The following BANK1 variants were observed in gnomAD, a reference collection of about 807,000 sequenced individuals.
The protein encoded by BANK1 is B cell scaffold protein with ankyrin repeats 1.
A neutral mutation model predicts 94.5 loss-of-function variants in BANK1; 95 were observed. The ratio of observed to expected loss-of-function variants is 1.00; its 90% CI spans 0.85 to 1.19. The LOEUF is 1.19. Ranked by LOEUF, BANK1 falls within the 50% of genes most tolerant of loss-of-function variation. The pLI is 0.00. For synonymous variants in BANK1, 334 were observed against 308.4 expected, an observed-to-expected ratio of 1.08 and a Z score of -0.87; for missense variants, 987 against 932.2, an observed-to-expected ratio of 1.06 and a Z score of -0.77.
At chr4:101,852,113 C>A (rs1727496153) in intron 2 of BANK1, among the ~76,000 whole-genome samples, 1 of 151,930 alleles carries the variant, frequency 6.6e-6, no homozygotes, top group African/African-American at 2.4e-5. Context: ...TAACTTTTAT[C>A]TTTGAGAAAC....
At chr4:101,834,833 T>G (rs1010671830) in intron 2 of BANK1, among the ~76,000 whole-genome samples, 1 of 152,100 alleles carries the variant, frequency 6.6e-6, no homozygotes, top group Non-Finnish European at 1.5e-5. Flanking sequence ...TCTAATATAT[T>G]AATATAACAC....
chr4:101,977,075 A>T (rs896017455), intron 7 of BANK1: 1 of 152,118 alleles, frequency 6.6e-6, no homozygotes, highest in African/African-American at 2.4e-5. Context: ...ATTCCAAGAG[A>T]TGCTGTTTCA....
At chr4:101,885,769 C>A (rs1728826985) in intron 5 of BANK1, among the ~76,000 whole-genome samples, 1 of 152,204 alleles carries the variant, frequency 6.6e-6, no homozygotes, top group Non-Finnish European at 1.5e-5. Flanking sequence ...CATTGTTAAG[C>A]AATTTCATCA....
At chr4:102,010,825 A>T (rs1179286672) in intron 7 of BANK1, among the ~76,000 whole-genome samples, 1 of 152,214 alleles carries the variant, frequency 6.6e-6, no homozygotes, top group Admixed American at 6.5e-5. Context: ...AATAAATGCA[A>T]ATTCCAGAAA....
chr4:101,964,251 C>T (rs1254621004), intron 7 of BANK1, among the ~76,000 whole-genome samples: 2 of 151,936 alleles, frequency 1.3e-5, no homozygotes, highest in African/African-American at 2.4e-5. Context: ...GTGGGCCATC[C>T]GTCACTGATG....
intron 5 of BANK1, among the ~76,000 whole-genome samples, chr4:101,874,093 C>A (rs577773044): frequency 1.3e-5 from 2 of 152,048 alleles, no homozygotes; most frequent in Non-Finnish European, 2.9e-5. Context: ...TTGTTTTGCA[C>A]GTATTTATCC....
intron 13 of BANK1, among the ~76,000 whole-genome samples, chr4:102,065,535 A>G (rs1728562098): frequency 6.6e-6 from 1 of 152,164 alleles, no homozygotes; most frequent in African/African-American, 2.4e-5. Flanking sequence ...TAAAAAAAGA[A>G]GACATACAAA....
chr4:101,877,272 G>A (rs1728526016), intron 5 of BANK1, among the ~76,000 whole-genome samples: 1 of 152,058 alleles, frequency 6.6e-6, no homozygotes, highest in African/African-American at 2.4e-5. Flanking sequence ...ACTCCCTAAG[G>A]TTAAAGATGA....
At position 101,799,467 on chromosome 4, in the gene BANK1, A is replaced by T. The variant is rs1441624310; in HGVS notation, c.70+8517A>T. Among the ~76,000 whole-genome samples, 5 of 152,192 alleles carry T rather than the reference A, an allele frequency of 3.3e-5. No homozygotes were observed. The East Asian group carries it at 9.6e-4, about 29-fold the overall frequency. ...CAGGCTCTGGGTATATACCCAAAGG[A>T]TTATAAATCATGCTGCTATAAAGAC... On this transcript the variant is annotated intron_variant, in intron 1 of 16. Transcript: ENST00000322953.
At position 101,991,818 on chromosome 4, in the gene BANK1, C is replaced by T. The variant is rs138302667; in HGVS notation, c.1207-29696C>T. Among the ~76,000 whole-genome samples the T allele has an allele frequency of 3.4e-4, 52 of 152,298 alleles. 1 individual carries two copies. The highest frequency in any genetic ancestry group is 1.0e-3 in the South Asian group (5 of 4,822). On this transcript the variant is annotated intron_variant, in intron 7 of 16. Transcript: ENST00000322953. ...GTGTATGTTTGTGTTTGTACACATACGTGTGTATTTGCACATACATGTACA... is the reference window on the plus strand; with the variant it reads ...GTGTATGTTTGTGTTTGTACACATATGTGTGTATTTGCACATACATGTACA...
rs1428402758 is a variant in BANK1, at chr4:101,855,317, G to C, written c.624+128G>C. The C allele has an allele frequency of 1.1e-5, 9 of 812,580 alleles. No individual in the cohort carries two copies. In the East Asian group the frequency reaches 2.4e-4, roughly 22 times the overall value. The allele number at this position is 812,580 out of a possible 1,614,324, so 50.3% of individuals were successfully genotyped here. A position where few individuals can be genotyped will look rare whatever the true frequency, so the allele number is the denominator to read the frequency against. ...TGGTCTTTAACTCCTGGCCTCAAGAGATCCTCCTGCCTCAGCCTCCCAAAA... is the reference window on the plus strand; with the variant it reads ...TGGTCTTTAACTCCTGGCCTCAAGACATCCTCCTGCCTCAGCCTCCCAAAA... On this transcript the variant is annotated intron_variant, in intron 3 of 16. Transcript: ENST00000322953.
At chr4:101,808,285 G>GT (rs1256399282) in intron 1 of BANK1, among the ~76,000 whole-genome samples, 3 of 151,948 alleles carry the variant, frequency 2.0e-5, no homozygotes, top group African/African-American at 4.8e-5. Flanking sequence ...TAAGGTTCTA[G>GT]TTTTTTAATA....
intron 1 of BANK1, among the ~76,000 whole-genome samples, chr4:101,822,541 T>A (rs55768089): frequency 0.27 from 40,817 of 151,916 alleles, 5,618 homozygotes; most frequent in Non-Finnish European, 0.3. Flanking sequence ...ATTATAGTTT[T>A]TTGATCACAG....
intron 1 of BANK1, among the ~76,000 whole-genome samples, chr4:101,803,764 G>A (rs1011325345): frequency 5.3e-5 from 8 of 151,718 alleles, no homozygotes; most frequent in Non-Finnish European, 1.0e-4. Context: ...TTGGGAGGCC[G>A]AGGCGGGCGG....
chr4:102,023,119 T>C (rs1432518494), intron 8 of BANK1, among the ~76,000 whole-genome samples: 1 of 152,228 alleles, frequency 6.6e-6, no homozygotes, highest in Non-Finnish European at 1.5e-5. Context: ...ACTGTTTTGA[T>C]TGTATCCCCA....
At chr4:101,824,347 G>A (rs934450059) in intron 1 of BANK1, among the ~76,000 whole-genome samples, 2 of 152,206 alleles carry the variant, frequency 1.3e-5, no homozygotes, top group Non-Finnish European at 2.9e-5. Context: ...GATGTGGGAT[G>A]TACATCCACA....
chr4:102,009,703 A>G (rs1726420160), intron 7 of BANK1, among the ~76,000 whole-genome samples: 2 of 152,232 alleles, frequency 1.3e-5, no homozygotes, highest in South Asian at 4.1e-4. Context: ...GAGGATTAAA[A>G]ATAGTAAACC....
At chr4:101,803,909 A>T (rs1311212983) in intron 1 of BANK1, among the ~76,000 whole-genome samples, 1 of 143,740 alleles carries the variant, frequency 7.0e-6, no homozygotes, top group East Asian at 2.1e-4. Flanking sequence ...GAGGCAGGAG[A>T]ATGGCGTGAA....
At chr4:102,057,354 T>TTCTC (rs945777334) in intron 11 of BANK1, among the ~76,000 whole-genome samples, 1 of 141,310 alleles carries the variant, frequency 7.1e-6, no homozygotes, top group Admixed American at 7.4e-5. Flanking sequence ...CTCTCTCGCT[T>TTCTC]TCTCTCTCTC....
Sources: gnomAD v4.1 joint callset for allele counts (sites outside exome capture counted in the v4.1 genomes callset) on GRCh38, gnomAD v4.1.1 for gene constraint, MANE v1.5 for transcripts, NCBI Gene and HGNC (gene_info 2026-07-23, HGNC 2026-07-21) for gene names.